DPF3: variants seen among roughly 807,000 people sequenced by gnomAD.
DPF3 encodes zinc finger protein DPF3.
Under a neutral mutation model 56.8 loss-of-function variants are expected in DPF3, and 18 were observed. The observed-to-expected ratio is 0.32, with a 90% CI of 0.22 to 0.47. The LOEUF is 0.47. DPF3 is among the 20% of genes least tolerant of loss of function. The pLI, the probability that DPF3 is intolerant of heterozygous loss-of-function variation, is 1.00. For synonymous variants in DPF3, 188 were observed against 180.2 expected, an observed-to-expected ratio of 1.04 and a Z score of -0.35; for missense variants, 403 against 488.8, an observed-to-expected ratio of 0.82 and a Z score of 1.65.
chr14:72,729,397 G>A (rs997114585), intron 4 of DPF3, among the ~76,000 whole-genome samples: 1 of 152,326 alleles, frequency 6.6e-6, no homozygotes, highest in East Asian at 1.9e-4. Context: ...AACAGAAGGA[G>A]ATTCTTGTGC....
At chr14:72,733,456 G>A (rs1463937331) in intron 3 of DPF3, among the ~76,000 whole-genome samples, 1 of 152,126 alleles carries the variant, frequency 6.6e-6, no homozygotes, top group Non-Finnish European at 1.5e-5. Context: ...TGCTATTTTT[G>A]GAGGGACAGA....
At chr14:72,818,545 C>T (rs987005042) in intron 1 of DPF3, among the ~76,000 whole-genome samples, 2 of 152,172 alleles carry the variant, frequency 1.3e-5, no homozygotes, top group African/African-American at 4.8e-5. Flanking sequence ...GGTGTGGTGG[C>T]TCATGCCTGC....
intron 4 of DPF3, among the ~76,000 whole-genome samples, chr14:72,728,799 A>C (rs1334006426): frequency 3.3e-5 from 5 of 152,198 alleles, no homozygotes; most frequent in Non-Finnish European, 5.9e-5. Flanking sequence ...AAAACAGACA[A>C]TAAACAATAA....
intron 1 of DPF3, among the ~76,000 whole-genome samples, chr14:72,816,048 G>T (rs1166311568): frequency 6.6e-6 from 1 of 152,130 alleles, no homozygotes; most frequent in Non-Finnish European, 1.5e-5. Flanking sequence ...CTTACCCAAG[G>T]TCCAGGACAC....
chr14:72,732,742 G>C lies in DPF3; in HGVS notation c.302-808C>G, dbSNP rs956109217. On this transcript the variant is annotated intron_variant, in intron 3 of 10. Transcript: ENST00000556509. ...CCCTGCCCAGAAGAGACACCAGAGA[G>C]AAGCTGAACCCCTTCCTCCAGGTGT... Among the ~76,000 whole-genome samples, 3 of 152,304 alleles carry C rather than the reference G, an allele frequency of 2.0e-5. No homozygotes were observed. The East Asian group carries it at 5.8e-4, about 29-fold the overall frequency.
intron 1 of DPF3, among the ~76,000 whole-genome samples, chr14:72,823,996 C>A (rs1391317641): frequency 6.6e-6 from 1 of 152,114 alleles, no homozygotes; most frequent in Non-Finnish European, 1.5e-5. Flanking sequence ...GAGGGGACCA[C>A]ATGAGCAAAG....
At chr14:72,794,813 C>A (rs939530997) in intron 1 of DPF3, among the ~76,000 whole-genome samples, 3 of 152,168 alleles carry the variant, frequency 2.0e-5, no homozygotes, top group African/African-American at 7.2e-5. Context: ...AAAATCCAGG[C>A]ATCAGCAGGG....
At chr14:72,821,124 ACT>A (rs1361352392) in intron 1 of DPF3, among the ~76,000 whole-genome samples, 1 of 136,350 alleles carries the variant, frequency 7.3e-6, no homozygotes, top group Non-Finnish European at 1.6e-5. Context: ...ACAGAGTGAA[ACT>A]CTATCTCAAA....
At chr14:72,704,160 A>G (rs978512070) in intron 6 of DPF3, among the ~76,000 whole-genome samples, 1 of 152,226 alleles carries the variant, frequency 6.6e-6, no homozygotes, top group Non-Finnish European at 1.5e-5. Context: ...CTCCGGAGCC[A>G]CCTTCTTCCA....
chr14:72,736,033 A>C (rs903384262), intron 3 of DPF3, among the ~76,000 whole-genome samples: 1 of 152,214 alleles, frequency 6.6e-6, no homozygotes, highest in African/African-American at 2.4e-5. Flanking sequence ...CCTAAGTTTG[A>C]ATAGTTTTGA....
intron 4 of DPF3, among the ~76,000 whole-genome samples, chr14:72,729,586 T>C (rs1889548997): frequency 6.6e-6 from 1 of 152,146 alleles, no homozygotes; most frequent in Non-Finnish European, 1.5e-5. Context: ...CAGAATATTA[T>C]TCAGCATTAA....
chr14:72,743,372 G>C (rs1043589141), intron 3 of DPF3, among the ~76,000 whole-genome samples: 1 of 152,036 alleles, frequency 6.6e-6, no homozygotes, highest in Non-Finnish European at 1.5e-5. Context: ...CTCCCCATAG[G>C]GAGCATCACC....
chr14:72,681,596 T>C (rs897794831), intron 7 of DPF3, among the ~76,000 whole-genome samples: 3 of 152,216 alleles, frequency 2.0e-5, no homozygotes, highest in Non-Finnish European at 2.9e-5. Flanking sequence ...ATGCCTGCCT[T>C]CTTTTCCTCC....
At chr14:72,710,869 T>C (rs1018434288) in intron 6 of DPF3, among the ~76,000 whole-genome samples, 3 of 152,200 alleles carry the variant, frequency 2.0e-5, no homozygotes, top group African/African-American at 7.2e-5. Context: ...GAAAACAAAG[T>C]ATTCATACAT....
intron 8 of DPF3, among the ~76,000 whole-genome samples, chr14:72,650,476 G>A (rs914746501): frequency 5.3e-5 from 8 of 152,170 alleles, no homozygotes; most frequent in Admixed American, 3.9e-4. Flanking sequence ...TGCCCCGGGG[G>A]CCAGGAGATC....
intron 3 of DPF3, among the ~76,000 whole-genome samples, chr14:72,747,127 C>A (rs11627333): frequency 0.18 from 27,467 of 152,250 alleles, 3,054 homozygotes; most frequent in Middle Eastern, 0.31. Context: ...TTGGCTCTGT[C>A]CACAGTCTGA....
chr14:72,637,176 G>C (rs571548413), intron 8 of DPF3, among the ~76,000 whole-genome samples: 1 of 152,156 alleles, frequency 6.6e-6, no homozygotes, highest in Non-Finnish European at 1.5e-5. Context: ...ATTCTCAAAT[G>C]GTCCTAGAAA....
intron 8 of DPF3, among the ~76,000 whole-genome samples, chr14:72,644,923 G>A: frequency 6.6e-6 from 1 of 152,174 alleles, no homozygotes; most frequent in East Asian, 1.9e-4. Context: ...CATACCCAGG[G>A]CAGACATTAC....
At chr14:72,639,641 C>T (rs1476181078) in intron 8 of DPF3, among the ~76,000 whole-genome samples, 1 of 152,096 alleles carries the variant, frequency 6.6e-6, no homozygotes, top group Non-Finnish European at 1.5e-5. Context: ...CCTGCCAGAA[C>T]CCACACGTGT....
Sources: allele counts gnomAD v4.1 joint callset (sites outside exome capture counted in the v4.1 genomes callset), GRCh38; gene constraint gnomAD v4.1.1; transcripts MANE v1.5; gene names NCBI Gene and HGNC (gene_info 2026-07-23, HGNC 2026-07-21).